Variants in MAGI1 observed in about 807,000 individuals in gnomAD.
The protein encoded by MAGI1 is membrane associated guanylate kinase, WW and PDZ domain containing 1.
In MAGI1, 58 loss-of-function variants were observed where a neutral mutation model predicts 139.9. That is an observed-to-expected ratio of 0.41 (90% CI 0.34 to 0.52). The LOEUF is 0.52. Ranked by LOEUF, MAGI1 falls within the 20% of genes least tolerant of loss-of-function variation. The pLI, the probability that MAGI1 is intolerant of heterozygous loss-of-function variation, is 0.12. For missense variants in MAGI1, 1,874 were observed against 1,901.6 expected, an observed-to-expected ratio of 0.99 and a Z score of 0.27; for synonymous variants, 812 against 737.9, an observed-to-expected ratio of 1.10 and a Z score of -1.63.
chr3:65,536,175 A>C (rs1321598060), intron 2 of MAGI1, among the ~76,000 whole-genome samples: 2 of 152,154 alleles, frequency 1.3e-5, no homozygotes, highest in South Asian at 2.1e-4. Context: ...ATATATACTG[A>C]TGTTTCCCTG....
At chr3:66,009,684 T>G (rs1046810735) in intron 1 of MAGI1, among the ~76,000 whole-genome samples, 1 of 152,084 alleles carries the variant, frequency 6.6e-6, no homozygotes, top group Non-Finnish European at 1.5e-5. Context: ...ACTTAACACA[T>G]AGTAGGTGTT....
At chr3:65,828,370 C>CA (rs2042344190) in intron 1 of MAGI1, among the ~76,000 whole-genome samples, 1 of 152,182 alleles carries the variant, frequency 6.6e-6, no homozygotes, top group African/African-American at 2.4e-5. Flanking sequence ...TCTCACCCCC[C>CA]AAACTCAAAC....
chr3:65,744,980 T>C (rs916858510), intron 1 of MAGI1, among the ~76,000 whole-genome samples: 5 of 152,014 alleles, frequency 3.3e-5, no homozygotes, highest in African/African-American at 1.2e-4. Context: ...CTCCAGCCCT[T>C]TGGCAACCTC....
chr3:65,874,516 A>G (rs2060045687), intron 1 of MAGI1: 1 of 152,240 alleles, frequency 6.6e-6, no homozygotes, highest in South Asian at 2.1e-4. Context: ...AAACACATTA[A>G]GAGATGGGCA....
chr3:65,636,723 CAT>C (rs1444651860), intron 1 of MAGI1, among the ~76,000 whole-genome samples: 6 of 150,926 alleles, frequency 4.0e-5, no homozygotes, highest in African/African-American at 7.4e-5. Context: ...CACACACACA[CAT>C]ACACACACAC....
intron 1 of MAGI1, chr3:65,688,017 G>A (rs1391753330): frequency 4.8e-6 from 4 of 835,960 alleles, no homozygotes; most frequent in Non-Finnish European, 8.2e-6. Flanking sequence ...CTGGCTTTGA[G>A]CCCCTCACAC....
intron 1 of MAGI1, among the ~76,000 whole-genome samples, chr3:65,881,627 CAA>C (rs55964561): frequency 1.5e-5 from 2 of 137,700 alleles, no homozygotes; most frequent in East Asian, 2.1e-4. Context: ...ACCCCTTCCT[CAA>C]AAAAAAAAAA....
intron 1 of MAGI1, among the ~76,000 whole-genome samples, chr3:65,857,193 C>G (rs2059402225): frequency 6.6e-6 from 1 of 152,024 alleles, no homozygotes; most frequent in African/African-American, 2.4e-5. Flanking sequence ...GAACAGGAAA[C>G]AGAGCTAATC....
chr3:65,443,685 T>C (rs973149165), intron 7 of MAGI1, among the ~76,000 whole-genome samples: 4 of 152,134 alleles, frequency 2.6e-5, no homozygotes, highest in Non-Finnish European at 5.9e-5. Context: ...GTTGTGGGTT[T>C]TTTTTGTCAT....
chr3:65,840,822 TTCC>T (rs1200605169), intron 1 of MAGI1, among the ~76,000 whole-genome samples: 1 of 152,214 alleles, frequency 6.6e-6, no homozygotes. Context: ...TTAGAATTAT[TTCC>T]TCTTCTTCTA....
chr3:65,999,533 A>C (rs2107431384), intron 1 of MAGI1, among the ~76,000 whole-genome samples: 1 of 152,296 alleles, frequency 6.6e-6, no homozygotes, highest in Non-Finnish European at 1.5e-5. Context: ...CTTATGGCAA[A>C]TATATGGTGA....
chr3:65,847,484 T>A (rs1430021187), intron 1 of MAGI1, among the ~76,000 whole-genome samples: 1 of 152,228 alleles, frequency 6.6e-6, no homozygotes, highest in African/African-American at 2.4e-5. Flanking sequence ...TAATTTCATA[T>A]TCATATAATT....
At chr3:65,914,750 G>A (rs934826066) in intron 1 of MAGI1, among the ~76,000 whole-genome samples, 1 of 152,186 alleles carries the variant, frequency 6.6e-6, no homozygotes, top group Admixed American at 6.5e-5. Context: ...AAACAAATTT[G>A]CTTATGGTGG....
chr3:65,413,443 A>G (rs1310859195), intron 12 of MAGI1, among the ~76,000 whole-genome samples: 2 of 152,202 alleles, frequency 1.3e-5, no homozygotes, highest in Non-Finnish European at 2.9e-5. Flanking sequence ...TCAGACCTAA[A>G]GAAGTCATTT....
At chr3:65,964,473 T>C (rs2064633693) in intron 1 of MAGI1, among the ~76,000 whole-genome samples, 1 of 152,106 alleles carries the variant, frequency 6.6e-6, no homozygotes, top group South Asian at 2.1e-4. Context: ...CACTGGTTCC[T>C]TTCTTATTGA....
chr3:65,788,713 A>C (rs1210421465), intron 1 of MAGI1, among the ~76,000 whole-genome samples: 1 of 152,206 alleles, frequency 6.6e-6, no homozygotes, highest in African/African-American at 2.4e-5. Flanking sequence ...AGCATTAAAT[A>C]AATCAGTGTT....
At chr3:65,809,962 C>G (rs190923202) in intron 1 of MAGI1, among the ~76,000 whole-genome samples, 2 of 151,684 alleles carry the variant, frequency 1.3e-5, no homozygotes, top group Admixed American at 1.3e-4. Context: ...ACACACACAA[C>G]CTCACATATA....
At chr3:65,394,048 G>A (rs1944169786) in intron 13 of MAGI1, among the ~76,000 whole-genome samples, 1 of 152,084 alleles carries the variant, frequency 6.6e-6, no homozygotes, top group Non-Finnish European at 1.5e-5. Context: ...ATACATACCT[G>A]TACATGCATG....
intron 2 of MAGI1, among the ~76,000 whole-genome samples, chr3:65,602,877 T>C (rs1438706767): frequency 6.6e-6 from 1 of 151,992 alleles, no homozygotes; most frequent in Non-Finnish European, 1.5e-5. Flanking sequence ...GGAGAAATCA[T>C]ATATGATCAA....
Sources: allele counts gnomAD v4.1 joint callset (sites outside exome capture counted in the v4.1 genomes callset), GRCh38; gene constraint gnomAD v4.1.1; transcripts MANE v1.5; gene names NCBI Gene and HGNC (gene_info 2026-07-23, HGNC 2026-07-21).